NCOR1: variants seen among roughly 807,000 people sequenced by gnomAD.
The protein encoded by NCOR1 is nuclear receptor corepressor 1, also known as protein phosphatase 1, regulatory subunit 109.
Under a neutral mutation model 288.1 loss-of-function variants are expected in NCOR1, and 63 were observed. The ratio of observed to expected loss-of-function variants is 0.22; its 90% CI spans 0.18 to 0.27. The LOEUF (loss-of-function observed/expected upper bound fraction) is 0.27, where lower values mean the gene tolerates loss of function less well. Among genes scored for constraint, NCOR1 ranks in the 10% least tolerant of loss-of-function variants. NCOR1 has a pLI of 1.00. For missense variants in NCOR1, 2,397 were observed against 3,019.2 expected (o/e 0.79, Z 4.83); for synonymous variants, 1,007 against 1,065.9 (o/e 0.94, Z 1.08).
rs186475428 is a variant in NCOR1 at position 16,143,457 on chromosome 17, C to T, written c.1173+149G>A. 128 of 615,492 alleles carry T rather than the reference C, an allele frequency of 2.1e-4. No individual in the cohort carries two copies. The African/African-American group carries it at 2.1e-3, about 10-fold the overall frequency. The allele number at this position is 615,492 out of a possible 1,614,324, so 38.1% of individuals were successfully genotyped here. The stretch of plus-strand genomic sequence containing the variant: ...ATCGTGTGACTGCCTCGTTTAAAAA[C>T]CCTTTAACAGACACTCAAATCTTTG... On this transcript the variant is annotated intron_variant, in intron 11 of 45. Coordinates refer to ENST00000268712, the MANE Select transcript of NCOR1 (RefSeq NM_006311.4).
chr17:16,044,459 T>G (rs762404394), intron 42 of NCOR1: 1 of 472,496 alleles, frequency 2.1e-6, no homozygotes, highest in African/African-American at 2.0e-5. Flanking sequence ...AGGAGACTAG[T>G]AGATGGTAGA....
At chr17:16,153,775 ACTTT>A (rs2079239870) in intron 6 of NCOR1, among the ~76,000 whole-genome samples, 1 of 152,152 alleles carries the variant, frequency 6.6e-6, no homozygotes, top group African/African-American at 2.4e-5. Flanking sequence ...CATTCTACAT[ACTTT>A]AACTCATATC....
chr17:16,183,265 GAAAT>G (rs2085917337), intron 3 of NCOR1, among the ~76,000 whole-genome samples: 1 of 127,040 alleles, frequency 7.9e-6, no homozygotes, highest in South Asian at 2.5e-4. Context: ...AAAAAGAAAA[GAAAT>G]AAAAGGCATC....
At chr17:16,131,500 G>C (rs2075631707) in intron 14 of NCOR1, among the ~76,000 whole-genome samples, 3 of 151,994 alleles carry the variant, frequency 2.0e-5, no homozygotes, top group Non-Finnish European at 4.4e-5. Flanking sequence ...TTTTAGAAAA[G>C]AGAAACAGAC....
At position 16,126,263 on chromosome 17, in the gene NCOR1, T is replaced by C. The variant is rs189928617; in HGVS notation, c.1510-57A>G. On this transcript the variant is annotated intron_variant, in intron 14 of 45. Transcript: ENST00000268712. ...AAAGGCAAACAGAAATAGCTCCTTA[T>C]AGTGTGATAAATTATGTCTATCTAA... 4 of 1,460,502 alleles carry C rather than the reference T, an allele frequency of 2.7e-6. No homozygotes were observed. The Admixed American group carries it at 7.6e-5, about 28-fold the overall frequency. The allele number at this position is 1,460,502 out of a possible 1,614,324, so 90.5% of individuals were successfully genotyped here. A position where few individuals can be genotyped will look rare whatever the true frequency, so the allele number is the denominator to read the frequency against.
chr17:16,149,318 GT>G (rs1227565474), intron 9 of NCOR1, 132 bp downstream of exon 9: 1 of 152,210 alleles, frequency 6.6e-6, no homozygotes, highest in Admixed American at 7.6e-5. Context: ...TATATATATG[GT>G]TACTTTCTAA....
chr17:16,103,550 C>T (rs2068019157), intron 19 of NCOR1, among the ~76,000 whole-genome samples: 1 of 152,264 alleles, frequency 6.6e-6, no homozygotes, highest in Admixed American at 6.5e-5. Flanking sequence ...CCTCCAGCCT[C>T]TCCAGCTTGC....
intron 3 of NCOR1, among the ~76,000 whole-genome samples, chr17:16,180,787 C>T (rs1450428967): frequency 2.0e-5 from 3 of 152,006 alleles, no homozygotes; most frequent in Non-Finnish European, 4.4e-5. Flanking sequence ...ACCTACACTC[C>T]CATATTCATG....
At chr17:16,104,444 G>A (rs2068207459) in intron 19 of NCOR1, among the ~76,000 whole-genome samples, 1 of 152,160 alleles carries the variant, frequency 6.6e-6, no homozygotes, top group African/African-American at 2.4e-5. Flanking sequence ...CTCTCATGGA[G>A]CCCATATTCT....
intron 4 of NCOR1, among the ~76,000 whole-genome samples, chr17:16,167,430 T>C (rs2082223333): frequency 6.6e-6 from 1 of 151,828 alleles, no homozygotes; most frequent in Non-Finnish European, 1.5e-5. Flanking sequence ...AGAGGCTTAT[T>C]AGCAAATCAC....
intron 25 of NCOR1, 132 bp from the exon 26 acceptor site, chr17:16,080,196 GT>G: frequency 1.2e-6 from 1 of 830,070 alleles, no homozygotes; most frequent in Non-Finnish European, 1.9e-6. Flanking sequence ...CATCATGTTT[GT>G]TTTATTAAAA....
At position 16,030,629 on chromosome 17, in the gene NCOR1, C is replaced by T. The variant is rs1196444172; in HGVS notation, c.*1667G>A. ...TTCCAAGTACTAGGAATGCTGACCA[C>T]TAAGCCTGATCTAAAGTTTATGTTG... is the stretch of plus-strand genomic sequence containing the variant. On this transcript the variant is annotated 3_prime_UTR_variant, in exon 46 of 46. Coordinates refer to ENST00000268712, the MANE Select transcript of NCOR1 (RefSeq NM_006311.4). 5.5e-6 allele frequency: 1 copy of T among 181,754 alleles called. No individual in the cohort carries two copies. The highest frequency in any genetic ancestry group is 1.2e-5 in the Non-Finnish European group (1 of 85,308). 11.3% of individuals were successfully genotyped at this position (181,754 alleles called of 1,614,324 possible).
In NCOR1 at chr17:16,070,389, A is replaced by G; in HGVS notation, c.4289T>C (p.Val1430Ala). The change falls in exon 31 of 46, where the codon GTA (valine) becomes GCA (alanine). Residue 1430 changes from valine (V) to alanine (A), a missense_variant. This residue lies in a region of NCOR1 where 1,872 missense variants were observed against 2,187.8 expected (regional missense o/e 0.86). Coordinates refer to ENST00000268712, the MANE Select transcript of NCOR1 (RefSeq NM_006311.4). ...LEIVPENIKV[V>A]ERGKYEDVKA... ...CACATCCTCATATTTTCCCCGTTCT[A>G]CCACTTTTATGTTCTCTGGCACAAT... 6.2e-7 allele frequency: 1 copy of G among 1,614,048 alleles called. No homozygotes were observed. The highest frequency in any genetic ancestry group is 1.7e-5 in the Admixed American group (1 of 60,024).
intron 3 of NCOR1, among the ~76,000 whole-genome samples, chr17:16,180,575 CT>C (rs1395186276): frequency 6.6e-6 from 1 of 151,396 alleles, no homozygotes; most frequent in Non-Finnish European, 1.5e-5. Context: ...TAGTGAGACC[CT>C]ATCTCTACAA....
chr17:16,199,880 A>G (rs1473482406), intron 1 of NCOR1, among the ~76,000 whole-genome samples: 1 of 152,226 alleles, frequency 6.6e-6, no homozygotes, highest in African/African-American at 2.4e-5. Flanking sequence ...GTCATAAAAG[A>G]CAACAGCACT....
chr17:16,037,169 GAC>G (rs2056567638), intron 44 of NCOR1, among the ~76,000 whole-genome samples: 3 of 152,080 alleles, frequency 2.0e-5, no homozygotes, highest in Admixed American at 6.5e-5. Context: ...GAGGAGTCAG[GAC>G]ACACACCACC....
At chr17:16,064,024 C>G (rs73981433) in intron 35 of NCOR1, 44 bp downstream of exon 35, 1 of 1,607,454 alleles carries the variant, frequency 6.2e-7, no homozygotes, top group Non-Finnish European at 8.5e-7. Context: ...TACAAGATTA[C>G]TAAGATGTGT....
chr17:16,181,671 A>AACAC (rs1305047), intron 3 of NCOR1, among the ~76,000 whole-genome samples: 70,180 of 151,652 alleles, frequency 0.46, 17,035 homozygotes, highest in Middle Eastern at 0.59. Flanking sequence ...TGTATCCCAT[A>AACAC]ACACCATGTA....
chr17:16,048,787 T>C (rs1454699412), intron 41 of NCOR1, 58 bp downstream of exon 41: 1 of 1,446,366 alleles, frequency 6.9e-7, no homozygotes, highest in Non-Finnish European at 9.2e-7. Flanking sequence ...CTGAAGGAAA[T>C]GTTAAAGCAT....
Sources: allele counts gnomAD v4.1 joint callset (sites outside exome capture counted in the v4.1 genomes callset), GRCh38; gene constraint gnomAD v4.1.1; regional missense constraint gnomAD v4.1.1; transcripts MANE v1.5; gene names NCBI Gene and HGNC (gene_info 2026-07-23, HGNC 2026-07-21).